Variants in RAB9A observed in about 807,000 individuals in gnomAD.
RAB9A encodes RAB9A, member RAS oncogene family.
A neutral mutation model predicts 10.3 loss-of-function variants in RAB9A; 1 was observed. The ratio of observed to expected loss-of-function variants is 0.10; its 90% CI spans 0.03 to 0.46. The LOEUF (loss-of-function observed/expected upper bound fraction) is 0.46, where lower values mean the gene tolerates loss of function less well. RAB9A is among the 20% of genes least tolerant of loss of function. RAB9A has a pLI of 0.96. For missense variants in RAB9A, 92 were observed against 150.3 expected, an observed-to-expected ratio of 0.61 and a Z score of 2.03; for synonymous variants, 39 against 55.2, an observed-to-expected ratio of 0.71 and a Z score of 1.30.
At chrX:13,690,334 T>C (rs921186801) in intron 1 of RAB9A, among the ~76,000 whole-genome samples, 5 of 112,413 alleles carry the variant, frequency 4.4e-5, no homozygotes, top group African/African-American at 1.6e-4. Context: ...TTAGTAGTTA[T>C]TTGGATTCCT....
intron 1 of RAB9A, among the ~76,000 whole-genome samples, chrX:13,691,887 A>C (rs1012204237): frequency 4.6e-5 from 5 of 109,865 alleles, no homozygotes; most frequent in Non-Finnish European, 9.5e-5. Context: ...ACCTTCCTGA[A>C]GCTTACAGTC....
At chrX:13,707,127 G>C (rs1479793210) in intron 2 of RAB9A, among the ~76,000 whole-genome samples, 1 of 112,151 alleles carries the variant, frequency 8.9e-6, no homozygotes, top group Non-Finnish European at 1.9e-5. Flanking sequence ...TTTAAAATGC[G>C]GTTTTTCACT....
In RAB9A at chrX:13,709,118, C is replaced by T. The variant is rs780628913; in HGVS notation, c.372C>T (p.Asn124=). 1.2e-5 allele frequency: 15 copies of T among 1,209,908 alleles called. No individual in the cohort carries two copies. In the Admixed American group the frequency reaches 2.4e-4, roughly 19 times the overall value. ...GCTTTCCTTTTGTGATTCTGGGTAA[C>T]AAGATTGACATAAGCGAACGGCAGG... is the stretch of plus-strand genomic sequence containing the variant. The part of the protein sequence containing the change: ...PESFPFVILG[N]KIDISERQVS... The change falls in exon 3 of 3, where the codon AAC becomes AAT. Residue 124 remains asparagine (N), a synonymous_variant. Transcript: ENST00000464506.
intron 2 of RAB9A, among the ~76,000 whole-genome samples, chrX:13,706,610 G>A (rs2046198802): frequency 9.3e-6 from 1 of 107,159 alleles, no homozygotes; most frequent in Non-Finnish European, 1.9e-5. Flanking sequence ...TGTTGGCCAG[G>A]CTGGTCTCGA....
intron 2 of RAB9A, among the ~76,000 whole-genome samples, chrX:13,704,136 G>T (rs1441348715): frequency 9.0e-6 from 1 of 111,697 alleles, no homozygotes; most frequent in African/African-American, 3.3e-5. Flanking sequence ...TCCCTCACAT[G>T]GCCCTTTTCT....
chrX:13,709,851 C>G lies in RAB9A; in HGVS notation c.*499C>G, dbSNP rs1289246233. ...TGCATTGTTAATTTACTTCTTCATT[C>G]TCTTCAAAATGATTTAACCATTCCT... On this transcript the variant is annotated 3_prime_UTR_variant, in exon 3 of 3. Coordinates refer to ENST00000464506, the MANE Select transcript of RAB9A (RefSeq NM_004251.5). 1.6e-5 allele frequency: 2 copies of G among 123,811 alleles called. No individual in the cohort carries two copies. Among genetic ancestry groups the G allele is most frequent in the African/African-American group, 6.5e-5 (2 of 30,917 alleles). The allele number at this position is 123,811 out of a possible 1,213,427, so 10.2% of individuals were successfully genotyped here. A position where few individuals can be genotyped will look rare whatever the true frequency, so the allele number is the denominator to read the frequency against.
At chrX:13,703,290 T>C (rs1569063507) in intron 1 of RAB9A, among the ~76,000 whole-genome samples, 1 of 111,959 alleles carries the variant, frequency 8.9e-6, no homozygotes, top group African/African-American at 3.2e-5. Flanking sequence ...TTTTACTAGG[T>C]GTGTGACCTT....
At chrX:13,704,609 T>C (rs1317048946) in intron 2 of RAB9A, among the ~76,000 whole-genome samples, 1 of 94,646 alleles carries the variant, frequency 1.1e-5, no homozygotes, top group African/African-American at 3.7e-5. Context: ...TATATAGATT[T>C]CTTTCTTTCT....
At chrX:13,689,998 C>G (rs1363543308) in intron 1 of RAB9A, among the ~76,000 whole-genome samples, 2 of 101,044 alleles carry the variant, frequency 2.0e-5, no homozygotes, top group Middle Eastern at 6.1e-3. Context: ...GATGACACAT[C>G]TCGTGACTAC....
rs2046213392 is a variant in RAB9A, at chrX:13,709,679, T to C, written c.*327T>C. 7.0e-6 allele frequency: 1 copy of C among 142,470 alleles called. No homozygotes were observed. The highest frequency in any genetic ancestry group is 2.1e-4 in the East Asian group (1 of 4,713). The allele number at this position is 142,470 out of a possible 1,213,427, so 11.7% of individuals were successfully genotyped here. A position where few individuals can be genotyped will look rare whatever the true frequency, so the allele number is the denominator to read the frequency against. On this transcript the variant is annotated 3_prime_UTR_variant, in exon 3 of 3. Coordinates refer to ENST00000464506, the MANE Select transcript of RAB9A (RefSeq NM_004251.5). ...AGAAACTTGACTATTCTAGAAGTTATACTTGGATTTTTTCCTGGGAAAATG... is the reference window on the plus strand; with the variant it reads ...AGAAACTTGACTATTCTAGAAGTTACACTTGGATTTTTTCCTGGGAAAATG...
intron 2 of RAB9A, among the ~76,000 whole-genome samples, chrX:13,706,775 T>A (rs954583008): frequency 9.0e-6 from 1 of 111,050 alleles, no homozygotes; most frequent in Non-Finnish European, 1.9e-5. Flanking sequence ...GTATTTCCCA[T>A]TCACTTGATT....
intron 2 of RAB9A, among the ~76,000 whole-genome samples, chrX:13,704,863 G>C (rs1175247966): frequency 9.0e-6 from 1 of 111,380 alleles, no homozygotes; most frequent in Non-Finnish European, 1.9e-5. Flanking sequence ...CAAGTGATCT[G>C]TCCGCCCCAG....
intron 2 of RAB9A, among the ~76,000 whole-genome samples, chrX:13,708,340 AAACAAC>A (rs751516612): frequency 9.2e-6 from 1 of 108,500 alleles, no homozygotes; most frequent in African/African-American, 3.4e-5. Context: ...AACAAAACCA[AAACAAC>A]AACAACAACA....
chrX:13,690,021 G>A (rs751637603), intron 1 of RAB9A, among the ~76,000 whole-genome samples: 1 of 108,295 alleles, frequency 9.2e-6, no homozygotes, highest in East Asian at 2.9e-4. Flanking sequence ...TTCTTTTGAG[G>A]AATAACTTTT....
chrX:13,709,339 C>T lies in RAB9A; in HGVS notation c.593C>T (p.Ser198Leu), dbSNP rs1418362322. The T allele has an allele frequency of 8.3e-7, 1 of 1,199,914 alleles. No individual in the cohort carries two copies. Among genetic ancestry groups the T allele is most frequent in the Admixed American group, 2.2e-5 (1 of 44,508 alleles). ...VNLHRKPKPS[S>L]SCC The stretch of plus-strand genomic sequence containing the variant: ...CTTCACCGAAAGCCCAAGCCTAGCT[C>T]ATCTTGCTGTTGATTGTTAGATTGT... Residue 198 changes from serine (S) to leucine (L), a missense_variant, in exon 3 of 3, where the codon TCA (serine) becomes TTA (leucine). Ser to Leu is a moderately radical substitution (Grantham distance 145, BLOSUM62 -2). Coordinates refer to ENST00000464506, the MANE Select transcript of RAB9A (RefSeq NM_004251.5).
intron 1 of RAB9A, among the ~76,000 whole-genome samples, chrX:13,701,675 G>A (rs1218289055): frequency 9.0e-6 from 1 of 111,276 alleles, no homozygotes; most frequent in Admixed American, 9.6e-5. Flanking sequence ...TGTCGAGGAA[G>A]GGGGTTCAGT....
chrX:13,692,427 T>C (rs1248399429), intron 1 of RAB9A, among the ~76,000 whole-genome samples: 1 of 112,610 alleles, frequency 8.9e-6, no homozygotes, highest in Non-Finnish European at 1.9e-5. Context: ...GTGTGTGTTA[T>C]AGTTTTGTAC....
chrX:13,691,710 G>GA (rs2046125295), intron 1 of RAB9A, among the ~76,000 whole-genome samples: 2 of 87,819 alleles, frequency 2.3e-5, no homozygotes, highest in Admixed American at 1.3e-4. Flanking sequence ...TCTGGTAGCA[G>GA]AATCTGTTTT....
chrX:13,704,618 C>CTTTTT (rs202238921), intron 2 of RAB9A, among the ~76,000 whole-genome samples: 2 of 95,752 alleles, frequency 2.1e-5, no homozygotes, highest in African/African-American at 3.8e-5. Context: ...TTCTTTCTTT[C>CTTTTT]TTTTTTTTTT....
Sources: gnomAD v4.1 joint callset for allele counts (sites outside exome capture counted in the v4.1 genomes callset) on GRCh38, gnomAD v4.1.1 for gene constraint, MANE v1.5 for transcripts, NCBI Gene and HGNC (gene_info 2026-07-23, HGNC 2026-07-21) for gene names.